The following REV1 variants were observed in gnomAD, a reference collection of about 807,000 sequenced individuals.
REV1 encodes the protein translesion synthesis protein REV1.
Under a neutral mutation model 137.4 loss-of-function variants are expected in REV1, and 42 were observed. The observed-to-expected ratio is 0.31, with a 90% CI of 0.24 to 0.40. The LOEUF is 0.40. Among genes scored for constraint, REV1 ranks in the 10% least tolerant of loss-of-function variants. The pLI, the probability that REV1 is intolerant of heterozygous loss-of-function variation, is 1.00. For synonymous variants in REV1, 524 were observed against 519.2 expected (o/e 1.01, Z -0.12); for missense variants, 1,282 against 1,490.1 (o/e 0.86, Z 2.30).
chr2:99,419,049 A>T (rs2104563622), intron 11 of REV1, 102 bp from the exon 12 acceptor site: 1 of 990,400 alleles, frequency 1.0e-6, no homozygotes, highest in Middle Eastern at 3.2e-4. Flanking sequence ...TCTAAAAACA[A>T]TGAAAATAAA....
At chr2:99,442,080 C>T (rs1244888484) in intron 5 of REV1, among the ~76,000 whole-genome samples, 2 of 151,320 alleles carry the variant, frequency 1.3e-5, no homozygotes, top group South Asian at 2.1e-4. Context: ...GGTGAAACCC[C>T]GTCTCTACTA....
chr2:99,408,055 T>C lies in REV1; in HGVS notation c.2422A>G (p.Lys808Glu), dbSNP rs747488756. 1.9e-6 allele frequency: 3 copies of C among 1,605,484 alleles called. No homozygotes were observed. Among genetic ancestry groups the C allele is most frequent in the African/African-American group, 2.7e-5 (2 of 74,620 alleles). The change falls in exon 15 of 23, where the codon AAA becomes GAA. Residue 808 changes from lysine (K) to glutamate (E), a missense_variant. Lys to Glu is a moderately conservative substitution (Grantham distance 56). Coordinates refer to ENST00000258428, the MANE Select transcript of REV1 (RefSeq NM_016316.4). ...KAMLNMFHTM[K>E]LNISDMRGVG... ...CCTCTCATATCTGATATATTTAGTT[T>C]CATTGTATGAAACATGTTTAGCATC... is the stretch of plus-strand genomic sequence containing the variant.
chr2:99,441,230 G>A, intron 5 of REV1, among the ~76,000 whole-genome samples: 1 of 152,028 alleles, frequency 6.6e-6, no homozygotes, highest in East Asian at 1.9e-4. Context: ...ATATGCTTGT[G>A]AGTACAAGTT....
At chr2:99,446,637 G>T (rs895323050) in intron 4 of REV1, among the ~76,000 whole-genome samples, 5 of 151,956 alleles carry the variant, frequency 3.3e-5, no homozygotes, top group South Asian at 2.1e-4. Flanking sequence ...TGGGATTACA[G>T]GCACCCAACA....
chr2:99,402,892 G>A lies in REV1; in HGVS notation c.3381C>T (p.Pro1127=), dbSNP rs1238629338. ...LKHEGPPAEK[P]LEELSASTSG... Reference sequence around the variant, plus strand: ...AAGGTCAAAGTTAAGGAATTACCAGGGGTTTCTCTGCAGGAGGTCCTTCAT... The same window carrying A: ...AAGGTCAAAGTTAAGGAATTACCAGAGGTTTCTCTGCAGGAGGTCCTTCAT... Residue 1127 remains proline, a synonymous_variant, in exon 20 of 23, where the codon CCC becomes CCT. Transcript: ENST00000258428. The A allele has an allele frequency of 6.2e-7, 1 of 1,613,532 alleles. No individual in the cohort carries two copies. The highest frequency in any genetic ancestry group is 8.5e-7 in the Non-Finnish European group (1 of 1,179,852).
intron 1 of REV1, among the ~76,000 whole-genome samples, chr2:99,475,753 G>A (rs1685900976): frequency 6.6e-6 from 1 of 152,136 alleles, no homozygotes; most frequent in Non-Finnish European, 1.5e-5. Context: ...GGGAGGCCGA[G>A]GTGGGTGGAT....
intron 5 of REV1, among the ~76,000 whole-genome samples, chr2:99,441,124 G>A (rs760955385): frequency 2.1e-4 from 20 of 93,656 alleles, no homozygotes; most frequent in Non-Finnish European, 4.2e-4. Context: ...CTAAAGCTAC[G>A]TATTCTGTGA....
rs1292482002 is a variant in REV1, at chr2:99,448,509, T to C, written c.350+827A>G. On this transcript the variant is annotated intron_variant, in intron 4 of 22. Transcript: ENST00000258428. The stretch of plus-strand genomic sequence containing the variant: ...CAGCAGAGAAACCACAATATAATCA[T>C]TAAAAAACAGTAAATAATACTGCGA... Among the ~76,000 whole-genome samples, 6 of 152,274 alleles carry C rather than the reference T, an allele frequency of 3.9e-5. No homozygotes were observed. In the East Asian group the frequency reaches 1.2e-3, roughly 29 times the overall value.
chr2:99,422,296 A>G (rs1224853965), intron 10 of REV1, among the ~76,000 whole-genome samples: 1 of 152,208 alleles, frequency 6.6e-6, no homozygotes, highest in Non-Finnish European at 1.5e-5. Context: ...TAGAGAAAAG[A>G]AAAAGGAAGA....
At chr2:99,437,330 ACTAT>A (rs952592958) in intron 6 of REV1, among the ~76,000 whole-genome samples, 8 of 152,062 alleles carry the variant, frequency 5.3e-5, no homozygotes, top group African/African-American at 1.2e-4. Flanking sequence ...AACATCATGG[ACTAT>A]CTATCACTTC....
At chr2:99,404,366 A>G (rs1420218030) in intron 18 of REV1, 78 bp downstream of exon 18, 2 of 966,192 alleles carry the variant, frequency 2.1e-6, no homozygotes, top group African/African-American at 3.3e-5. Flanking sequence ...GGAGAAAGGG[A>G]AGTGAGACAG....
chr2:99,409,865 C>T (rs927449749), intron 14 of REV1, among the ~76,000 whole-genome samples: 1 of 111,064 alleles, frequency 9.0e-6, no homozygotes, highest in South Asian at 3.1e-4. Flanking sequence ...CCCCCCCCCC[C>T]CCAAAAAAAA....
At chr2:99,477,317 G>T (rs2104187202) in intron 1 of REV1, among the ~76,000 whole-genome samples, 1 of 152,238 alleles carries the variant, frequency 6.6e-6, no homozygotes, top group Non-Finnish European at 1.5e-5. Context: ...AAAGAAAGCT[G>T]TTTACTTCTT....
chr2:99,417,374 C>T (rs975133513), intron 12 of REV1, among the ~76,000 whole-genome samples: 1 of 152,116 alleles, frequency 6.6e-6, no homozygotes, highest in African/African-American at 2.4e-5. Context: ...GAACTCCTGG[C>T]CTCAAATGAT....
chr2:99,419,226 T>TG (rs1678317124), intron 11 of REV1, among the ~76,000 whole-genome samples: 3 of 113,886 alleles, frequency 2.6e-5, no homozygotes, highest in Non-Finnish European at 1.8e-5. Context: ...TTTTTTTTTT[T>TG]TGGGGGATGG....
chr2:99,425,803 G>A (rs1679262515), intron 9 of REV1, among the ~76,000 whole-genome samples: 3 of 152,144 alleles, frequency 2.0e-5, no homozygotes, highest in African/African-American at 7.2e-5. Flanking sequence ...TTGGGAGGCC[G>A]AGGCAGGCAG....
At position 99,410,679 on chromosome 2, in the gene REV1, T is replaced by A. The variant is rs1171794887; in HGVS notation, c.2345+16A>T. On this transcript the variant is annotated intron_variant, in intron 14 of 22. Coordinates refer to ENST00000258428, the MANE Select transcript of REV1 (RefSeq NM_016316.4). ...CTGAAATATAATTACCAATATCATT[T>A]CTGAGGTGAGCTTACCTGGCAATGT... 1.3e-6 allele frequency: 2 copies of A among 1,572,370 alleles called. No homozygotes were observed. Among genetic ancestry groups the A allele is most frequent in the East Asian group, 4.5e-5 (2 of 44,564 alleles).
chr2:99,484,384 TA>T (rs1009729940), intron 1 of REV1, among the ~76,000 whole-genome samples: 15 of 150,880 alleles, frequency 9.9e-5, no homozygotes, highest in African/African-American at 1.5e-4. Context: ...GATAGAAGTT[TA>T]AAAAAAAAAT....
At chr2:99,403,976 G>A (rs983518247) in intron 18 of REV1, among the ~76,000 whole-genome samples, 161 bp from the exon 19 acceptor site, 2 of 152,128 alleles carry the variant, frequency 1.3e-5, no homozygotes, top group Non-Finnish European at 2.9e-5. Context: ...TCTTCAAAAT[G>A]GTTAGAGCAA....
Sources: allele counts gnomAD v4.1 joint callset (sites outside exome capture counted in the v4.1 genomes callset), GRCh38; gene constraint gnomAD v4.1.1; transcripts MANE v1.5; gene names NCBI Gene and HGNC (gene_info 2026-07-23, HGNC 2026-07-21).